The following HTR3C variants were observed in gnomAD, a reference collection of about 807,000 sequenced individuals.
HTR3C encodes the protein 5-hydroxytryptamine receptor 3C.
HTR3C carries 32 observed loss-of-function variants against 40.5 expected under a neutral mutation model. The observed-to-expected ratio is 0.79, with a 90% CI of 0.60 to 1.06. The LOEUF (loss-of-function observed/expected upper bound fraction) is 1.06, where lower values mean the gene tolerates loss of function less well. HTR3C is among the 50% of genes least tolerant of loss of function. The pLI is 0.00. For missense variants in HTR3C, 523 were observed against 556.8 expected (o/e 0.94, Z 0.61); for synonymous variants, 209 against 217.1 (o/e 0.96, Z 0.33).
intron 3 of HTR3C, among the ~76,000 whole-genome samples, chr3:184,055,711 TCA>T (rs10561752): frequency 0.62 from 89,624 of 145,220 alleles, 27,878 homozygotes; most frequent in African/African-American, 0.74. Flanking sequence ...CGAAACTCCA[TCA>T]CACACACACA....
In HTR3C at chr3:184,059,544, A is replaced by G; in HGVS notation, c.829A>G (p.Asn277Asp). 1 of 1,614,106 alleles carries G rather than the reference A, an allele frequency of 6.2e-7. No individual in the cohort carries two copies. Among genetic ancestry groups the G allele is most frequent in the Non-Finnish European group, 8.5e-7 (1 of 1,180,006 alleles). ...CTTCTACCTGCCAGCAGAGAGCGAGAATCGTGCCCCATTCAAGATAACACT... is the reference window on the plus strand; with the variant it reads ...CTTCTACCTGCCAGCAGAGAGCGAGGATCGTGCCCCATTCAAGATAACACT... Reference protein sequence around the residue: ...LSFYLPAESENRAPFKITLLL... With the variant: ...LSFYLPAESEDRAPFKITLLL... The change falls in exon 7 of 9, where the codon AAT becomes GAT. Residue 277 changes from asparagine (N) to aspartate (D), a missense_variant. Transcript: ENST00000318351.
At position 184,059,819 on chromosome 3, in the gene HTR3C, T is replaced by C; in HGVS notation, c.926-9T>C. 1 of 1,613,990 alleles carries C rather than the reference T, an allele frequency of 6.2e-7. No individual in the cohort carries two copies. The highest frequency in any genetic ancestry group is 1.3e-5 in the African/African-American group (1 of 75,044). On this transcript the variant is annotated splice_polypyrimidine_tract_variant and intron_variant, in intron 7 of 8. Coordinates refer to ENST00000318351, the MANE Select transcript of HTR3C (RefSeq NM_130770.3). ...TGCCTGGTTTATTTATAATTTGCTC[T>C]GCCCTCAGGTGTCTACTTCGCCCTG...
rs1364640261 is a variant in HTR3C, at chr3:184,054,946, C to G, written c.234+59C>G. On this transcript the variant is annotated intron_variant, in intron 2 of 8. Transcript: ENST00000318351. ...TCTAATAAGGAACGAGGACCCTCTGCCCTGTCAACCCAACATGGCCCTGGC... is the reference window on the plus strand; with the variant it reads ...TCTAATAAGGAACGAGGACCCTCTGGCCTGTCAACCCAACATGGCCCTGGC... 7 of 1,508,718 alleles carry G rather than the reference C, an allele frequency of 4.6e-6. No individual in the cohort carries two copies. The African/African-American group carries it at 8.3e-5, about 18-fold the overall frequency. 93.5% of individuals were successfully genotyped at this position (1,508,718 alleles called of 1,614,324 possible).
At chr3:184,059,285 T>TAA in intron 6 of HTR3C, 151 bp from the exon 7 acceptor site, 1 of 655,368 alleles carries the variant, frequency 1.5e-6, no homozygotes, top group Non-Finnish European at 2.6e-6. Flanking sequence ...CAGAGGCCCC[T>TAA]ATGTAGGCGA....
In HTR3C at chr3:184,060,540, G is replaced by A. The variant is rs1723427519; in HGVS notation, c.*188G>A. On this transcript the variant is annotated 3_prime_UTR_variant, in exon 9 of 9. Coordinates refer to ENST00000318351, the MANE Select transcript of HTR3C (RefSeq NM_130770.3). ...AGCCCTGGACGATTTCCCGACCGCT[G>A]CTCAGGCTGCTCATTCCTGCTCACC... The A allele has an allele frequency of 1.5e-6, 1 of 672,168 alleles. No homozygotes were observed. The highest frequency in any genetic ancestry group is 2.5e-6 in the Non-Finnish European group (1 of 395,402). The allele number at this position is 672,168 out of a possible 1,614,324, so 41.6% of individuals were successfully genotyped here.
In HTR3C at chr3:184,055,884, C is replaced by CAAAAAAAAAAAAAAA. The variant is rs71185686; in HGVS notation, c.280-278_280-264dup. On this transcript the variant is annotated intron_variant, in intron 3 of 8. Transcript: ENST00000318351. The stretch of plus-strand genomic sequence containing the variant: ...TCTTAGGAAGGTTGAAATAGCAACT[C>CAAAAAAAAAAAAAAA]AAAAAAAAAAAAAAAAAAAAAAAAA... Among the ~76,000 whole-genome samples, 72 of 30,710 alleles carry CAAAAAAAAAAAAAAA rather than the reference C, an allele frequency of 2.3e-3. 16 individuals are homozygous for CAAAAAAAAAAAAAAA. Among genetic ancestry groups the CAAAAAAAAAAAAAAA allele is most frequent in the Middle Eastern group, 0.045 (1 of 22 alleles). The allele number at this position is 30,710 out of a possible 152,430, so 20.1% of individuals were successfully genotyped here.
chr3:184,055,878 G>A (rs973084497), intron 3 of HTR3C, among the ~76,000 whole-genome samples: 1 of 26,654 alleles, frequency 3.8e-5, no homozygotes, highest in Non-Finnish European at 6.5e-5. Context: ...GGTTGAAATA[G>A]CAACTCAAAA....
intron 3 of HTR3C, among the ~76,000 whole-genome samples, chr3:184,055,823 C>T (rs1283190059): frequency 7.4e-6 from 1 of 134,476 alleles, no homozygotes; most frequent in Admixed American, 8.5e-5. Context: ...CCATGTAGAA[C>T]TGGACTCACC....
At chr3:184,055,214 C>G (rs1315150393) in intron 2 of HTR3C, 98 bp from the exon 3 acceptor site, 2 of 853,528 alleles carry the variant, frequency 2.3e-6, no homozygotes, top group Non-Finnish European at 4.0e-6. Context: ...TACAACAATG[C>G]CTGGCCCAAT....
chr3:184,054,714 T>C lies in HTR3C; in HGVS notation c.68-7T>C. ...TCCCTCTCTCACGGAGTCTCTGCTC[T>C]CTATAGGAAGAGGCGACGCTTTTAC... On this transcript the variant is annotated splice_region_variant and splice_polypyrimidine_tract_variant and intron_variant, in intron 1 of 8. Coordinates refer to ENST00000318351, the MANE Select transcript of HTR3C (RefSeq NM_130770.3). The C allele has an allele frequency of 6.4e-7, 1 of 1,570,842 alleles. No individual in the cohort carries two copies. The highest frequency in any genetic ancestry group is 8.6e-7 in the Non-Finnish European group (1 of 1,160,936).
rs372669545 is a variant in HTR3C, at chr3:184,056,993, C to T, written c.508C>T (p.Pro170Ser). 1.2e-5 allele frequency: 19 copies of T among 1,613,536 alleles called. No homozygotes were observed. The highest frequency in any genetic ancestry group is 1.6e-5 in the Non-Finnish European group (19 of 1,179,670). ...CTGTAACCTGGACATCTTCTACTTC[C>T]CTTTTGACCAACAGAACTGTACCTT... ...SICNLDIFYF[P>S]FDQQNCTFTF... The change falls in exon 5 of 9, where the codon CCT becomes TCT. Residue 170 changes from proline to serine, a missense_variant. Physicochemically the swap from Pro to Ser is moderately conservative, Grantham distance 74. Transcript: ENST00000318351.
chr3:184,060,144 C>G lies in HTR3C; in HGVS notation c.1142-6C>G, dbSNP rs762911749. 1 of 1,613,038 alleles carries G rather than the reference C, an allele frequency of 6.2e-7. No individual in the cohort carries two copies. The highest frequency in any genetic ancestry group is 8.5e-7 in the Non-Finnish European group (1 of 1,179,564). ...CTCCATGACTGAGCCTCTGTCCTCT[C>G]CACAGGCCCAAAGGAGCCGGGGGAG... On this transcript the variant is annotated splice_region_variant and splice_polypyrimidine_tract_variant and intron_variant, in intron 8 of 8. Transcript: ENST00000318351.
intron 2 of HTR3C, 101 bp downstream of exon 2, chr3:184,054,988 G>A (rs770504043): frequency 4.7e-5 from 56 of 1,200,862 alleles, no homozygotes; most frequent in Non-Finnish European, 6.3e-5. Context: ...GTGAACAATA[G>A]GCACCCTGGA....
rs1576989718 is a variant in HTR3C at position 184,059,656 on chromosome 3, C to A, written c.925+16C>A. The A allele has an allele frequency of 6.2e-7, 1 of 1,613,402 alleles. No individual in the cohort carries two copies. The highest frequency in any genetic ancestry group is 2.2e-5 in the East Asian group (1 of 44,866). On this transcript the variant is annotated intron_variant, in intron 7 of 8. Coordinates refer to ENST00000318351, the MANE Select transcript of HTR3C (RefSeq NM_130770.3). ...CCCCTCATCAGTATGGCTCCTCCCACTTTCAGGAGGAGAAAGGGCACCCGG... is the reference window on the plus strand; with the variant it reads ...CCCCTCATCAGTATGGCTCCTCCCAATTTCAGGAGGAGAAAGGGCACCCGG...
intron 5 of HTR3C, among the ~76,000 whole-genome samples, chr3:184,057,806 C>G (rs145709241): frequency 1.1e-4 from 17 of 152,284 alleles, no homozygotes; most frequent in African/African-American, 3.6e-4. Context: ...CCCCAGATGC[C>G]GATTAAATTG....
At chr3:184,055,972 T>A (rs1723315946) in intron 3 of HTR3C, among the ~76,000 whole-genome samples, 1 of 148,704 alleles carries the variant, frequency 6.7e-6, no homozygotes, top group African/African-American at 2.5e-5. Context: ...TTAGGCCATA[T>A]TTAATATCTG....
At position 184,059,600 on chromosome 3, in the gene HTR3C, G is replaced by A. The variant is rs777758229; in HGVS notation, c.885G>A (p.Met295Ile). The change falls in exon 7 of 9, where the codon ATG becomes ATA. Residue 295 changes from methionine (M) to isoleucine (I), a missense_variant. Coordinates refer to ENST00000318351, the MANE Select transcript of HTR3C (RefSeq NM_130770.3). ...LLLGYNVFLL[M>I]MNDLLPASGT... The stretch of plus-strand genomic sequence containing the variant: ...TGGGCTACAACGTCTTCCTGCTCAT[G>A]ATGAATGACTTGCTCCCTGCCAGTG... The A allele has an allele frequency of 1.1e-5, 17 of 1,614,002 alleles. No homozygotes were observed. Among genetic ancestry groups the A allele is most frequent in the East Asian group, 2.2e-5 (1 of 44,888 alleles).
intron 5 of HTR3C, 25 bp downstream of exon 5, chr3:184,057,069 T>C (rs759554302): frequency 1.1e-4 from 167 of 1,504,888 alleles, no homozygotes; most frequent in Non-Finnish European, 1.5e-4. Flanking sequence ...TTTTGGTAGC[T>C]GTTTAAGATT....
Position 184,060,314 on chromosome 3 carries a change from T to A in HTR3C, c.1306T>A (p.Ser436Thr). The change falls in exon 9 of 9, where the codon TCC becomes ACC. Residue 436 changes from serine to threonine, a missense_variant. Coordinates refer to ENST00000318351, the MANE Select transcript of HTR3C (RefSeq NM_130770.3). Reference sequence around the variant, plus strand: ...CCGCCTCTACCTGCTCTTCATGGCCTCCTCCATCCTTACTGTCATTGTCCT... The same window carrying A: ...CCGCCTCTACCTGCTCTTCATGGCCACCTCCATCCTTACTGTCATTGTCCT... Reference protein sequence around the residue: ...LFRLYLLFMASSILTVIVLWN... With the variant: ...LFRLYLLFMATSILTVIVLWN... 6.2e-7 allele frequency: 1 copy of A among 1,614,130 alleles called. No homozygotes were observed. The highest frequency in any genetic ancestry group is 8.5e-7 in the Non-Finnish European group (1 of 1,180,014).
Sources: gnomAD v4.1 joint callset for allele counts (sites outside exome capture counted in the v4.1 genomes callset) on GRCh38, gnomAD v4.1.1 for gene constraint, MANE v1.5 for transcripts, NCBI Gene and HGNC (gene_info 2026-07-23, HGNC 2026-07-21) for gene names.